KIAA1549L: variants seen among roughly 807,000 people sequenced by gnomAD.
KIAA1549L encodes the protein UPF0606 protein KIAA1549L.
A neutral mutation model predicts 160.7 loss-of-function variants in KIAA1549L; 88 were observed. The observed-to-expected ratio is 0.55, with a 90% CI of 0.46 to 0.65. KIAA1549L has a LOEUF of 0.65. Among genes scored for constraint, KIAA1549L ranks in the 30% least tolerant of loss-of-function variants. The pLI, the probability that KIAA1549L is intolerant of heterozygous loss-of-function variation, is 0.00. For synonymous variants in KIAA1549L, 950 were observed against 976.7 expected (o/e 0.97, Z 0.51); for missense variants, 2,258 against 2,437.5 (o/e 0.93, Z 1.55).
At chr11:33,491,550 C>G (rs1439188054) in intron 1 of KIAA1549L, among the ~76,000 whole-genome samples, 1 of 152,204 alleles carries the variant, frequency 6.6e-6, no homozygotes, top group East Asian at 1.9e-4. Context: ...GGCTATTTTC[C>G]TGTATGTACC....
chr11:33,664,866 C>T lies in KIAA1549L; in HGVS notation c.6160-3007C>T, dbSNP rs970888190. ...ACTAGGACTTCCTGCTCCATCCTCC[C>T]TTAGGAGCCAGATGAGCATTGCTGT... On this transcript the variant is annotated intron_variant, in intron 20 of 20. Transcript: ENST00000658780. Among the ~76,000 whole-genome samples the T allele has an allele frequency of 2.0e-5, 3 of 152,238 alleles. No homozygotes were observed. In the East Asian group the frequency reaches 5.8e-4, roughly 29 times the overall value.
chr11:33,451,838 A>G (rs1053338267), intron 1 of KIAA1549L, among the ~76,000 whole-genome samples: 3 of 152,100 alleles, frequency 2.0e-5, no homozygotes, highest in Admixed American at 1.3e-4. Flanking sequence ...GTTTCTTTCC[A>G]CTCCATTAGG....
chr11:33,425,811 G>A (rs1224465201), intron 1 of KIAA1549L, among the ~76,000 whole-genome samples: 1 of 152,160 alleles, frequency 6.6e-6, no homozygotes, highest in Non-Finnish European at 1.5e-5. Flanking sequence ...GTGTCAACAT[G>A]TTCTCCTTAT....
At chr11:33,383,328 A>G (rs540159936) in intron 1 of KIAA1549L, among the ~76,000 whole-genome samples, 1 of 151,930 alleles carries the variant, frequency 6.6e-6, no homozygotes, top group Non-Finnish European at 1.5e-5. Context: ...ACAAAAATGA[A>G]TAGTTGGAAT....
At chr11:33,496,073 C>A (rs910682907) in intron 1 of KIAA1549L, among the ~76,000 whole-genome samples, 7 of 152,072 alleles carry the variant, frequency 4.6e-5, no homozygotes, top group African/African-American at 1.7e-4. Flanking sequence ...AGCAGTTATC[C>A]CTGCCTCAGC....
At chr11:33,564,880 AC>A (rs1378441559) in intron 8 of KIAA1549L, among the ~76,000 whole-genome samples, 1 of 152,256 alleles carries the variant, frequency 6.6e-6, no homozygotes, top group Non-Finnish European at 1.5e-5. Context: ...TAGCCTGAGT[AC>A]AGAAGGCTGA....
rs917516726 is a variant in KIAA1549L at position 33,545,063 on chromosome 11, G to A, written c.3070G>A (p.Ala1024Thr). ...AGGACATACCACGAGCACACATACAGCCATGCAAGGAAACATGGACACTGC... is the reference window on the plus strand; with the variant it reads ...AGGACATACCACGAGCACACATACAACCATGCAAGGAAACATGGACACTGC... Reference protein sequence around the residue: ...RTGHTTSTHTAMQGNMDTASG... With the variant: ...RTGHTTSTHTTMQGNMDTASG... The change falls in exon 3 of 21, where the codon GCC becomes ACC. Residue 1024 changes from alanine to threonine, a missense_variant. Physicochemically the swap from Ala to Thr is moderately conservative, Grantham distance 58 (BLOSUM62 0). Transcript: ENST00000658780. 5.0e-6 allele frequency: 8 copies of A among 1,613,998 alleles called. No individual in the cohort carries two copies. In the East Asian group the frequency reaches 1.1e-4, roughly 22 times the overall value.
chr11:33,491,884 T>A (rs1208416958), intron 1 of KIAA1549L, among the ~76,000 whole-genome samples: 1 of 152,204 alleles, frequency 6.6e-6, no homozygotes, highest in Non-Finnish European at 1.5e-5. Flanking sequence ...GAGAGCTGGT[T>A]TCTATCAAAG....
At chr11:33,646,855 T>G (rs1851737242) in intron 17 of KIAA1549L, among the ~76,000 whole-genome samples, 1 of 152,032 alleles carries the variant, frequency 6.6e-6, no homozygotes, top group Non-Finnish European at 1.5e-5. Context: ...TACTATGGCA[T>G]GGGTATTCCC....
Position 33,488,642 on chromosome 11 carries a change from A to G in KIAA1549L, c.239-53160A>G, listed in dbSNP as rs137856520. Among the ~76,000 whole-genome samples, 1,481 of 152,308 alleles carry G rather than the reference A, an allele frequency of 9.7e-3. 20 individuals carry two copies. Among genetic ancestry groups the G allele is most frequent in the African/African-American group, 0.034 (1,398 of 41,560 alleles). ...AATTGAGGCACATAAAGGTTAATTA[A>G]CTTGCCTACTAAGATTACTAACCAG... On this transcript the variant is annotated intron_variant, in intron 1 of 20. Coordinates refer to ENST00000658780, the MANE Select transcript of KIAA1549L (RefSeq NM_012194.3).
intron 1 of KIAA1549L, among the ~76,000 whole-genome samples, chr11:33,495,130 T>TTTATTATTTATTATTATTTA (rs1852784405): frequency 1.3e-5 from 2 of 152,086 alleles, no homozygotes; most frequent in South Asian, 4.2e-4. Flanking sequence ...TTTATTTTTA[T>TTTATTATTTATTATTATTTA]TTATTATTAT....
chr11:33,387,975 A>G (rs2134042736), intron 1 of KIAA1549L, among the ~76,000 whole-genome samples: 1 of 152,360 alleles, frequency 6.6e-6, no homozygotes, highest in South Asian at 2.1e-4. Context: ...TGAGGCCCAG[A>G]TAAATATAGG....
intron 1 of KIAA1549L, among the ~76,000 whole-genome samples, chr11:33,448,905 AT>A (rs1452728675): frequency 6.6e-6 from 1 of 152,180 alleles, no homozygotes; most frequent in Non-Finnish European, 1.5e-5. Context: ...GCTGGTCCCC[AT>A]CGTTTCCCCC....
chr11:33,530,424 AAAAAAAAAAAAAATATATATAT>A (rs1853717985), intron 1 of KIAA1549L, among the ~76,000 whole-genome samples: 2 of 18,952 alleles, frequency 1.1e-4, no homozygotes, highest in African/African-American at 4.0e-4. Context: ...GAAAAAAAAA[AAAAAAAAAAAAAATATATATAT>A]ATATATATAT....
chr11:33,426,078 C>T (rs578205565), intron 1 of KIAA1549L, among the ~76,000 whole-genome samples: 1 of 152,250 alleles, frequency 6.6e-6, no homozygotes. Context: ...TTGGATTCTG[C>T]ATCAGAAAAA....
chr11:33,671,752 T>C lies in KIAA1549L; in HGVS notation c.*3598T>C, dbSNP rs924743930. The C allele has an allele frequency of 2.0e-5, 3 of 152,224 alleles. No individual in the cohort carries two copies. In the South Asian group the frequency reaches 6.2e-4, roughly 32 times the overall value. 9.4% of individuals were successfully genotyped at this position (152,224 alleles called of 1,614,324 possible). On this transcript the variant is annotated 3_prime_UTR_variant, in exon 21 of 21. Transcript: ENST00000658780. ...GATTACATATAAACGAGTTTCCTTT[T>C]TTTCTACATAGCACACAGGTGCTCA... is the stretch of plus-strand genomic sequence containing the variant.
chr11:33,656,071 T>C lies in KIAA1549L; in HGVS notation c.5820T>C (p.Pro1940=). Residue 1940 remains proline, a synonymous_variant, in exon 18 of 21, where the codon CCT becomes CCC. Transcript: ENST00000658780. ...MVMGSPPPPV[P]PRTGPVAVAS... is the part of the protein sequence containing the mutation. ...TGGGCTCACCGCCTCCACCCGTACC[T>C]CCCCGGACTGGTCCTGTGGCTGTCG... 6.2e-7 allele frequency: 1 copy of C among 1,613,768 alleles called. No individual in the cohort carries two copies. The highest frequency in any genetic ancestry group is 8.5e-7 in the Non-Finnish European group (1 of 1,179,720).
intron 1 of KIAA1549L, among the ~76,000 whole-genome samples, chr11:33,539,075 A>T (rs372176303): frequency 1.1e-4 from 16 of 152,336 alleles, no homozygotes; most frequent in African/African-American, 4.8e-5. Context: ...GAAATTCTTC[A>T]AATCAGTTCT....
In KIAA1549L at chr11:33,543,611, C is replaced by T. The variant is rs776221435; in HGVS notation, c.2048C>T (p.Thr683Ile). The T allele has an allele frequency of 5.0e-6, 8 of 1,613,788 alleles. No individual in the cohort carries two copies. The African/African-American group carries it at 1.1e-4, about 22-fold the overall frequency. The change falls in exon 2 of 21, where the codon ACA becomes ATA. Residue 683 changes from threonine to isoleucine, a missense_variant. Around this residue, in one of 6 missense-constraint regions of KIAA1549L, gnomAD observed 287 missense variants for 292.3 expected, o/e 0.98. Transcript: ENST00000658780. ...PSSMDVYDSLTIGDMKKPATT... is the reference protein window; with the variant it reads ...PSSMDVYDSLIIGDMKKPATT... ...TCCATGGATGTATATGATTCCTTAA[C>T]AATAGGAGACATGAAAAAGCCAGCA...
Sources: allele counts gnomAD v4.1 joint callset (sites outside exome capture counted in the v4.1 genomes callset), GRCh38; gene constraint gnomAD v4.1.1; regional missense constraint gnomAD v4.1.1; transcripts MANE v1.5; gene names NCBI Gene and HGNC (gene_info 2026-07-23, HGNC 2026-07-21).